The following SPICE1 variants were observed in gnomAD, a reference collection of about 807,000 sequenced individuals.
SPICE1 encodes spindle and centriole-associated protein 1.
A neutral mutation model predicts 102.7 loss-of-function variants in SPICE1; 75 were observed. That is an observed-to-expected ratio of 0.73 (90% CI 0.61 to 0.88). The LOEUF is 0.88. Among genes scored for constraint, SPICE1 ranks in the 40% least tolerant of loss-of-function variants. The probability of loss-of-function intolerance (pLI) is 0.00; values close to 1 mark genes in which losing one functional copy is unlikely to be tolerated. For missense variants in SPICE1, 979 were observed against 1,020.1 expected, an observed-to-expected ratio of 0.96 and a Z score of 0.55; for synonymous variants, 308 against 350.3, an observed-to-expected ratio of 0.88 and a Z score of 1.35.
At chr3:113,461,286 T>C (rs1342454693) in intron 11 of SPICE1, among the ~76,000 whole-genome samples, 1 of 151,774 alleles carries the variant, frequency 6.6e-6, no homozygotes, top group Non-Finnish European at 1.5e-5. Flanking sequence ...ATTTTATATA[T>C]GTATATAGAT....
At chr3:113,484,311 G>C (rs1396506031) in intron 7 of SPICE1, among the ~76,000 whole-genome samples, 1 of 151,574 alleles carries the variant, frequency 6.6e-6, no homozygotes, top group Non-Finnish European at 1.5e-5. Flanking sequence ...CTATTTTGTT[G>C]ATCTTTTCAA....
chr3:113,475,580 T>C (rs1936323565), intron 7 of SPICE1, among the ~76,000 whole-genome samples: 1 of 152,048 alleles, frequency 6.6e-6, no homozygotes, highest in Admixed American at 6.6e-5. Context: ...AAAAAGTTTA[T>C]CCACCATGAT....
intron 4 of SPICE1, among the ~76,000 whole-genome samples, chr3:113,495,422 C>T (rs1045928214): frequency 7.2e-5 from 11 of 152,158 alleles, no homozygotes; most frequent in Non-Finnish European, 1.5e-5. Context: ...CCTTCTTCCC[C>T]GGCTATAGCC....
chr3:113,505,618 T>C (rs1937092944), intron 2 of SPICE1, among the ~76,000 whole-genome samples: 1 of 152,092 alleles, frequency 6.6e-6, no homozygotes, highest in Non-Finnish European at 1.5e-5. Flanking sequence ...AAAAGAGAAA[T>C]CTAGCTGGGT....
At chr3:113,502,662 T>TAAAAAAAAAAAAAAAAAAAAAAATA (rs35248720) in intron 3 of SPICE1, among the ~76,000 whole-genome samples, 1 of 87,286 alleles carries the variant, frequency 1.1e-5, no homozygotes, top group Non-Finnish European at 2.2e-5. Context: ...CAATAAATCT[T>TAAAAAAAAAAAAAAAAAAAAAAATA]AAAAAAAAAA....
chr3:113,510,372 T>C (rs539085752), intron 1 of SPICE1, among the ~76,000 whole-genome samples: 2 of 152,258 alleles, frequency 1.3e-5, no homozygotes, highest in South Asian at 2.1e-4. Flanking sequence ...CTTCAAACTA[T>C]ACTACAAGGC....
At chr3:113,488,915 G>T (rs772149960) in intron 7 of SPICE1, 30 bp downstream of exon 7, 13 of 1,370,988 alleles carry the variant, frequency 9.5e-6, no homozygotes, top group African/African-American at 1.4e-5. Context: ...AAACCTGAGA[G>T]TTGTAAATAT....
chr3:113,509,466 T>C (rs914361177), intron 1 of SPICE1, among the ~76,000 whole-genome samples: 5 of 152,162 alleles, frequency 3.3e-5, no homozygotes, highest in Admixed American at 3.3e-4. Context: ...CAGAACTGTA[T>C]GTATAGTATA....
In SPICE1 at chr3:113,514,550, T is replaced by C. The variant is rs568022146; in HGVS notation, c.-1+347A>G. 8.5e-4 allele frequency: 356 copies of C among 420,246 alleles called. 2 individuals carry two copies. Among genetic ancestry groups the C allele is most frequent in the Non-Finnish European group, 1.5e-3 (304 of 209,622 alleles). The allele number at this position is 420,246 out of a possible 1,614,324, so 26.0% of individuals were successfully genotyped here. A position where few individuals can be genotyped will look rare whatever the true frequency, so the allele number is the denominator to read the frequency against. On this transcript the variant is annotated intron_variant, in intron 1 of 17. Transcript: ENST00000295872. ...TCTCCCGCAAATCCTAAAACCAAGCTCTCGCCTCACACACAGTTGCAACCA... is the reference window on the plus strand; with the variant it reads ...TCTCCCGCAAATCCTAAAACCAAGCCCTCGCCTCACACACAGTTGCAACCA...
intron 13 of SPICE1, 22 bp downstream of exon 13, chr3:113,457,114 G>T: frequency 1.2e-6 from 2 of 1,602,658 alleles, no homozygotes; most frequent in Non-Finnish European, 1.7e-6. Flanking sequence ...CAACTTTCAT[G>T]TAACTTTAGA....
chr3:113,451,717 A>C (rs1935657224), intron 14 of SPICE1, among the ~76,000 whole-genome samples: 1 of 152,350 alleles, frequency 6.6e-6, no homozygotes, highest in East Asian at 1.9e-4. Flanking sequence ...AAATTGAGGC[A>C]GTTGATATTT....
At chr3:113,474,200 A>C (rs866586576) in intron 7 of SPICE1, among the ~76,000 whole-genome samples, 2 of 151,892 alleles carry the variant, frequency 1.3e-5, no homozygotes, top group African/African-American at 2.4e-5. Flanking sequence ...AGGCCATTAC[A>C]TAATGGTAAA....
intron 7 of SPICE1, among the ~76,000 whole-genome samples, chr3:113,483,891 T>A (rs13092947): frequency 0.044 from 6,633 of 152,300 alleles, 209 homozygotes; most frequent in Non-Finnish European, 0.071. Flanking sequence ...GCTGGCCTCA[T>A]AAAATGATTT....
intron 7 of SPICE1, among the ~76,000 whole-genome samples, chr3:113,476,709 T>G (rs1371475628): frequency 2.0e-5 from 3 of 150,930 alleles, no homozygotes; most frequent in Non-Finnish European, 4.4e-5. Flanking sequence ...TAATAAATGG[T>G]GCTGGGAAAA....
intron 3 of SPICE1, among the ~76,000 whole-genome samples, chr3:113,502,945 G>T (rs545725884): frequency 1.8e-4 from 27 of 152,286 alleles, no homozygotes; most frequent in Admixed American, 4.6e-4. Context: ...AGACTGAAGA[G>T]ATTTCAACTA....
At position 113,479,425 on chromosome 3, in the gene SPICE1, G is replaced by A. The variant is rs536419375; in HGVS notation, c.611+9520C>T. 8.6e-3 allele frequency among the ~76,000 whole-genome samples: 1,310 copies of A among 151,646 alleles called. 21 individuals are homozygous for A. Among genetic ancestry groups the A allele is most frequent in the African/African-American group, 0.03 (1,242 of 41,272 alleles). On this transcript the variant is annotated intron_variant, in intron 7 of 17. Coordinates refer to ENST00000295872, the MANE Select transcript of SPICE1 (RefSeq NM_144718.4). ...AGTCTTTGCTATTGTGAATAGTGCC[G>A]CAATAAACATACGTGTGCATGTGTC...
At chr3:113,485,327 G>C (rs141392077) in intron 7 of SPICE1, among the ~76,000 whole-genome samples, 2 of 152,248 alleles carry the variant, frequency 1.3e-5, no homozygotes, top group Non-Finnish European at 2.9e-5. Flanking sequence ...AAGATCCACT[G>C]ACTTGAAATT....
intron 7 of SPICE1, among the ~76,000 whole-genome samples, chr3:113,473,636 A>T (rs1297342113): frequency 1.6e-4 from 25 of 152,134 alleles, no homozygotes; most frequent in Non-Finnish European, 2.9e-5. Context: ...AATATTCAAC[A>T]TTCTTAAAGA....
intron 7 of SPICE1, among the ~76,000 whole-genome samples, chr3:113,480,213 C>T (rs1936458717): frequency 6.6e-6 from 1 of 151,518 alleles, no homozygotes. Context: ...GTTACTATGG[C>T]ACTTCCCCAC....
Sources: gnomAD v4.1 joint callset for allele counts (sites outside exome capture counted in the v4.1 genomes callset) on GRCh38, gnomAD v4.1.1 for gene constraint, MANE v1.5 for transcripts, NCBI Gene and HGNC (gene_info 2026-07-23, HGNC 2026-07-21) for gene names.